Variants in PRDM2 observed in about 807,000 individuals in gnomAD.
The protein encoded by PRDM2 is PR/SET domain 2, also known as PR domain zinc finger protein 2.
PRDM2 carries 30 observed loss-of-function variants against 130.0 expected under a neutral mutation model. The ratio of observed to expected loss-of-function variants is 0.23; its 90% CI spans 0.17 to 0.31. The LOEUF (loss-of-function observed/expected upper bound fraction) is 0.31. Among genes scored for constraint, PRDM2 ranks in the 10% least tolerant of loss-of-function variants. The pLI is 1.00. For missense variants in PRDM2, 2,011 were observed against 2,108.4 expected, an observed-to-expected ratio of 0.95 and a Z score of 0.90; for synonymous variants, 871 against 782.4, an observed-to-expected ratio of 1.11 and a Z score of -1.89.
chr1:13,745,027 A>T (rs1373533163), intron 5 of PRDM2, among the ~76,000 whole-genome samples: 1 of 152,208 alleles, frequency 6.6e-6, no homozygotes, highest in Non-Finnish European at 1.5e-5. Context: ...TTAGCTGTTA[A>T]ATCTGCTATC....
chr1:13,795,695 A>G (rs1182892587), intron 8 of PRDM2, among the ~76,000 whole-genome samples: 1 of 152,178 alleles, frequency 6.6e-6, no homozygotes, highest in African/African-American at 2.4e-5. Flanking sequence ...GGAAACCAGC[A>G]TGTCTGAGGT....
intron 6 of PRDM2, among the ~76,000 whole-genome samples, chr1:13,752,224 A>G (rs548401492): frequency 7.2e-5 from 11 of 152,368 alleles, no homozygotes; most frequent in African/African-American, 1.2e-4. Flanking sequence ...ATGCAGTGCT[A>G]TGAGAACACA....
chr1:13,766,224 A>G (rs1338277776), intron 6 of PRDM2, among the ~76,000 whole-genome samples: 3 of 152,094 alleles, frequency 2.0e-5, no homozygotes, highest in Non-Finnish European at 4.4e-5. Context: ...CCTTTCTTCA[A>G]CCTAGTGTGA....
At chr1:13,801,617 C>T (rs1169110557) in intron 8 of PRDM2, among the ~76,000 whole-genome samples, 2 of 152,118 alleles carry the variant, frequency 1.3e-5, no homozygotes, top group Non-Finnish European at 2.9e-5. Flanking sequence ...CACTAGTGCC[C>T]GTCTCCTAAA....
rs973300131 is a variant in PRDM2, at chr1:13,771,730, A to C, written c.512-1348A>C. 2 of 152,218 alleles carry C rather than the reference A, an allele frequency of 1.3e-5. No individual in the cohort carries two copies. The highest frequency in any genetic ancestry group is 4.8e-5 in the African/African-American group (2 of 41,464). 9.4% of individuals were successfully genotyped at this position (152,218 alleles called of 1,614,324 possible). A position where few individuals can be genotyped will look rare whatever the true frequency, so the allele number is the denominator to read the frequency against. On this transcript the variant is annotated intron_variant, in intron 6 of 9. Coordinates refer to ENST00000311066, the MANE Select transcript of PRDM2 (RefSeq NM_001393986.1). The surrounding 1 kb of genome is among the most constrained non-coding windows in gnomAD (Gnocchi z 4.1). ...GGGCGACAGAGTGAGACTCCATCTCAAAAACAAAGAAAAAAAAAGGTGTTT... is the reference window on the plus strand; with the variant it reads ...GGGCGACAGAGTGAGACTCCATCTCCAAAACAAAGAAAAAAAAAGGTGTTT...
chr1:13,822,315 G>A (rs1408702951), intron 9 of PRDM2, among the ~76,000 whole-genome samples: 1 of 152,148 alleles, frequency 6.6e-6, no homozygotes, highest in African/African-American at 2.4e-5. Context: ...CTAGCAGCAT[G>A]ACTCACATGG....
chr1:13,707,137 C>T (rs1642233617), intron 1 of PRDM2, among the ~76,000 whole-genome samples: 1 of 152,156 alleles, frequency 6.6e-6, no homozygotes, highest in Non-Finnish European at 1.5e-5. Flanking sequence ...AGCCTCCCCA[C>T]CATTTATGTG....
intron 8 of PRDM2, among the ~76,000 whole-genome samples, chr1:13,815,617 C>G (rs114987398): frequency 0.012 from 1,790 of 152,270 alleles, 33 homozygotes; most frequent in South Asian, 0.07. Context: ...GAGGTAGCAT[C>G]CCAGCTGGGC....
chr1:13,817,472 CT>C (rs1191261592), intron 9 of PRDM2, among the ~76,000 whole-genome samples: 2 of 151,994 alleles, frequency 1.3e-5, no homozygotes, highest in African/African-American at 2.4e-5. Flanking sequence ...CTGGATTCTG[CT>C]GGTGACCCAC....
intron 1 of PRDM2, among the ~76,000 whole-genome samples, chr1:13,713,993 C>T (rs909059678): frequency 2.0e-5 from 3 of 152,112 alleles, no homozygotes; most frequent in African/African-American, 4.8e-5. Flanking sequence ...CTCAGCCTCC[C>T]GAGTAGCTGG....
intron 6 of PRDM2, among the ~76,000 whole-genome samples, chr1:13,763,210 A>G (rs541590816): frequency 6.6e-6 from 1 of 152,356 alleles, no homozygotes; most frequent in Admixed American, 6.5e-5. Context: ...GATTGTTTAA[A>G]TTAGATATTT....
At chr1:13,759,817 A>AT (rs1644053322) in intron 6 of PRDM2, among the ~76,000 whole-genome samples, 1 of 152,210 alleles carries the variant, frequency 6.6e-6, no homozygotes, top group Non-Finnish European at 1.5e-5. Flanking sequence ...TGAAATTATA[A>AT]TTTCCCTTTG....
chr1:13,781,478 C>T lies in PRDM2; in HGVS notation c.3683C>T (p.Thr1228Ile). ...VCTHHEFESG[T>I]LRPQNFTDPS... ...ACACATCACGAGTTTGAAAGCGGGA[C>T]TCTGAGGCCCCAGAACTTTACAGAT... Residue 1228 changes from threonine to isoleucine, a missense_variant, in exon 8 of 10, where the codon ACT (threonine) becomes ATT (isoleucine). Physicochemically the swap from Thr to Ile is moderately conservative, Grantham distance 89. Coordinates refer to ENST00000311066, the MANE Select transcript of PRDM2 (RefSeq NM_001393986.1). The surrounding 1 kb of genome is among the most constrained non-coding windows in gnomAD (Gnocchi z 6.1). 1.2e-6 allele frequency: 2 copies of T among 1,613,474 alleles called. No homozygotes were observed. Among genetic ancestry groups the T allele is most frequent in the Non-Finnish European group, 1.7e-6 (2 of 1,179,808 alleles).
rs1644369309 is a variant in PRDM2, at chr1:13,771,939, A to G, written c.512-1139A>G. 6.6e-6 allele frequency: 1 copy of G among 152,078 alleles called. No individual in the cohort carries two copies. The highest frequency in any genetic ancestry group is 2.4e-5 in the African/African-American group (1 of 41,394). 9.4% of individuals were successfully genotyped at this position (152,078 alleles called of 1,614,324 possible). A position where few individuals can be genotyped will look rare whatever the true frequency, so the allele number is the denominator to read the frequency against. ...GATGCTATTTTATGTCTCTGACCTC[A>G]TTTTTGTCTGTTTACATTTTTAGCT... On this transcript the variant is annotated intron_variant, in intron 6 of 9. Coordinates refer to ENST00000311066, the MANE Select transcript of PRDM2 (RefSeq NM_001393986.1). The surrounding 1 kb of genome is among the most constrained non-coding windows in gnomAD (Gnocchi z 4.1).
intron 1 of PRDM2, among the ~76,000 whole-genome samples, chr1:13,714,036 T>G (rs913456733): frequency 2.0e-5 from 3 of 152,058 alleles, no homozygotes; most frequent in Non-Finnish European, 4.4e-5. Flanking sequence ...ACCCAGCTAA[T>G]TTTTTGTATT....
intron 8 of PRDM2, among the ~76,000 whole-genome samples, chr1:13,783,634 T>A (rs914914934): frequency 6.6e-6 from 1 of 152,202 alleles, no homozygotes; most frequent in African/African-American, 2.4e-5. Flanking sequence ...TTAAGAACTG[T>A]TCTCAGTGAC....
intron 8 of PRDM2, chr1:13,783,055 TTAA>T: frequency 2.9e-6 from 3 of 1,017,178 alleles, no homozygotes; most frequent in Non-Finnish European, 4.2e-6. Flanking sequence ...TGCCACTTCT[TTAA>T]TGTGGCCAGA....
chr1:13,808,792 C>T (rs1005388959), intron 8 of PRDM2, among the ~76,000 whole-genome samples: 11 of 152,188 alleles, frequency 7.2e-5, no homozygotes, highest in Admixed American at 1.3e-4. Flanking sequence ...AGAGACCTTA[C>T]GGCCCCCTGG....
chr1:13,818,199 T>C (rs6663564), intron 9 of PRDM2, among the ~76,000 whole-genome samples: 12,855 of 152,172 alleles, frequency 0.084, 637 homozygotes, highest in African/African-American at 0.13. Flanking sequence ...TTTGGGAATG[T>C]GTGCTTAACA....
Sources: allele counts gnomAD v4.1 joint callset (sites outside exome capture counted in the v4.1 genomes callset), GRCh38; gene constraint gnomAD v4.1.1; non-coding constraint Gnocchi (gnomAD v3.1); transcripts MANE v1.5; gene names NCBI Gene and HGNC (gene_info 2026-07-23, HGNC 2026-07-21).